Variants in ST8SIA5 observed in about 807,000 individuals in gnomAD.
ST8SIA5 encodes ST8 alpha-N-acetyl-neuraminide alpha-2,8-sialyltransferase 5.
ST8SIA5 carries 24 observed loss-of-function variants against 40.2 expected under a neutral mutation model. The observed-to-expected ratio is 0.60, with a 90% CI of 0.43 to 0.84. ST8SIA5 has a LOEUF of 0.84. ST8SIA5 is among the 40% of genes least tolerant of loss of function. The pLI, the probability that ST8SIA5 is intolerant of heterozygous loss-of-function variation, is 0.00. For synonymous variants in ST8SIA5, 198 were observed against 201.8 expected, an observed-to-expected ratio of 0.98 and a Z score of 0.16; for missense variants, 465 against 498.5, an observed-to-expected ratio of 0.93 and a Z score of 0.64.
chr18:46,750,413 C>T (rs1176034850), intron 1 of ST8SIA5, among the ~76,000 whole-genome samples: 1 of 152,180 alleles, frequency 6.6e-6, no homozygotes, highest in African/African-American at 2.4e-5. Flanking sequence ...GAAGACGGAA[C>T]AATTTCCATG....
intron 1 of ST8SIA5, among the ~76,000 whole-genome samples, chr18:46,724,115 A>G (rs1223177982): frequency 6.6e-6 from 1 of 152,196 alleles, no homozygotes; most frequent in East Asian, 1.9e-4. Flanking sequence ...TTTCAAGAGG[A>G]CTGTCTCAGT....
intron 2 of ST8SIA5, among the ~76,000 whole-genome samples, 192 bp downstream of exon 2, chr18:46,704,380 A>C (rs182899487): frequency 2.3e-3 from 356 of 152,240 alleles, no homozygotes; most frequent in Non-Finnish European, 3.9e-3. Context: ...AACAGGCACA[A>C]TCATCACTGT....
At chr18:46,752,271 C>T (rs181997836) in intron 1 of ST8SIA5, among the ~76,000 whole-genome samples, 2 of 152,212 alleles carry the variant, frequency 1.3e-5, no homozygotes, top group East Asian at 3.9e-4. Context: ...TTTTAGAGTC[C>T]CTCGTCCATT....
chr18:46,709,044 G>C (rs1279757874), intron 1 of ST8SIA5, among the ~76,000 whole-genome samples: 1 of 152,074 alleles, frequency 6.6e-6, no homozygotes, highest in Non-Finnish European at 1.5e-5. Flanking sequence ...TCCTACCTGG[G>C]CTCTGCTTTT....
intron 2 of ST8SIA5, among the ~76,000 whole-genome samples, chr18:46,697,696 A>C (rs1239114486): frequency 6.6e-6 from 1 of 152,192 alleles, no homozygotes; most frequent in Non-Finnish European, 1.5e-5. Flanking sequence ...ACAGAGCAAG[A>C]CCTTGTCTCA....
intron 1 of ST8SIA5, among the ~76,000 whole-genome samples, chr18:46,714,560 G>A (rs1352060358): frequency 3.9e-5 from 6 of 152,098 alleles, no homozygotes; most frequent in African/African-American, 9.7e-5. Context: ...CAGCTGATCC[G>A]GCCTCCTCAG....
rs945562203 is a variant in ST8SIA5, at chr18:46,689,026, G to T, written c.312-107C>A. On this transcript the variant is annotated intron_variant, in intron 3 of 6. Coordinates refer to ENST00000315087, the MANE Select transcript of ST8SIA5 (RefSeq NM_013305.6). ...GAGGGGTGGAGCCGAGGCCTCTCCT[G>T]CTCACCTATCCCACGCTTGCCCCCA... 5.1e-6 allele frequency: 7 copies of T among 1,375,770 alleles called. No homozygotes were observed. The African/African-American group carries it at 5.8e-5, about 11-fold the overall frequency. The allele number at this position is 1,375,770 out of a possible 1,614,324, so 85.2% of individuals were successfully genotyped here.
At chr18:46,719,752 CTTTT>C (rs1188398903) in intron 1 of ST8SIA5, among the ~76,000 whole-genome samples, 9 of 88,878 alleles carry the variant, frequency 1.0e-4, no homozygotes, top group East Asian at 6.9e-4. Flanking sequence ...TCCTTTCTTT[CTTTT>C]CTTTCTTTCT....
chr18:46,696,547 G>T (rs1234819971), intron 2 of ST8SIA5, among the ~76,000 whole-genome samples: 5 of 152,182 alleles, frequency 3.3e-5, no homozygotes, highest in Admixed American at 3.3e-4. Flanking sequence ...TCCCAATCTT[G>T]CAATGTAACC....
At chr18:46,692,868 A>T (rs1314530987) in intron 2 of ST8SIA5, among the ~76,000 whole-genome samples, 1 of 53,298 alleles carries the variant, frequency 1.9e-5, no homozygotes, top group Admixed American at 2.2e-4. Context: ...TCCCCTCCCC[A>T]CCCCCCACCC....
intron 1 of ST8SIA5, among the ~76,000 whole-genome samples, chr18:46,754,462 C>T (rs929721192): frequency 6.6e-6 from 1 of 152,184 alleles, no homozygotes; most frequent in African/African-American, 2.4e-5. Flanking sequence ...AAATAGACTT[C>T]GAGTCCTCTG....
intron 1 of ST8SIA5, among the ~76,000 whole-genome samples, chr18:46,733,616 G>A (rs1441781014): frequency 2.0e-5 from 3 of 152,106 alleles, no homozygotes; most frequent in African/African-American, 7.2e-5. Context: ...GAGGAAAGGG[G>A]GATAAGGGGC....
At chr18:46,709,639 TAAG>T (rs1180088806) in intron 1 of ST8SIA5, among the ~76,000 whole-genome samples, 2 of 152,146 alleles carry the variant, frequency 1.3e-5, no homozygotes, top group Non-Finnish European at 2.9e-5. Context: ...TCTAATGACA[TAAG>T]AAGATGCTCA....
chr18:46,688,980 A>G, intron 3 of ST8SIA5, 61 bp from the exon 4 acceptor site: 2 of 1,560,728 alleles, frequency 1.3e-6, no homozygotes, highest in Non-Finnish European at 1.7e-6. Context: ...TGGAGGGCAG[A>G]GCACAACCTC....
chr18:46,716,314 T>A (rs2039791141), intron 1 of ST8SIA5, among the ~76,000 whole-genome samples: 1 of 152,184 alleles, frequency 6.6e-6, no homozygotes, highest in South Asian at 2.1e-4. Context: ...GACACTCACT[T>A]GGCTCGCTCT....
At chr18:46,684,956 G>C (rs959076814) in intron 5 of ST8SIA5, among the ~76,000 whole-genome samples, 9 of 152,262 alleles carry the variant, frequency 5.9e-5, no homozygotes, top group Admixed American at 5.2e-4. Flanking sequence ...GTAGGGGCTG[G>C]GGAGACAGCA....
chr18:46,713,515 A>T (rs1599125088), intron 1 of ST8SIA5, among the ~76,000 whole-genome samples: 1 of 152,162 alleles, frequency 6.6e-6, no homozygotes, highest in East Asian at 1.9e-4. Flanking sequence ...TTCAGGAAAC[A>T]CTGGGAGAGA....
rs771745001 is a variant in ST8SIA5 at position 46,680,316 on chromosome 18, G to A, written c.857C>T (p.Ser286Leu). 1.2e-6 allele frequency: 2 copies of A among 1,614,232 alleles called. No homozygotes were observed. The highest frequency in any genetic ancestry group is 1.7e-6 in the Non-Finnish European group (2 of 1,180,048). The change falls in exon 7 of 7, where the codon TCG becomes TTG. Residue 286 changes from serine (S) to leucine (L), a missense_variant. Transcript: ENST00000315087. ...YFHPQYLVNV[S>L]RYWLSLGVRA... ...CACCCCCAGGCTGAGCCAGTAGCGC[G>A]ACACGTTGACCAGGTACTGCGGATG...
At chr18:46,706,800 G>T (rs1426307264) in intron 1 of ST8SIA5, among the ~76,000 whole-genome samples, 1 of 152,160 alleles carries the variant, frequency 6.6e-6, no homozygotes, top group East Asian at 1.9e-4. Flanking sequence ...GCATGGTTTT[G>T]CTGGTGCAGA....
Sources: allele counts gnomAD v4.1 joint callset (sites outside exome capture counted in the v4.1 genomes callset), GRCh38; gene constraint gnomAD v4.1.1; transcripts MANE v1.5; gene names NCBI Gene and HGNC (gene_info 2026-07-23, HGNC 2026-07-21).